PPP2R2B: variants seen among roughly 807,000 people sequenced by gnomAD.
PPP2R2B encodes serine/threonine-protein phosphatase 2A 55 kDa regulatory subunit B beta isoform.
Under a neutral mutation model 46.0 loss-of-function variants are expected in PPP2R2B, and 5 were observed. That is an observed-to-expected ratio of 0.11 (90% confidence interval 0.06 to 0.23). The LOEUF is 0.23. PPP2R2B is among the 10% of genes least tolerant of loss of function. The pLI is 1.00. For missense variants in PPP2R2B, 367 were observed against 575.0 expected, an observed-to-expected ratio of 0.64 and a Z score of 3.70; for synonymous variants, 215 against 206.7, an observed-to-expected ratio of 1.04 and a Z score of -0.34.
At chr5:146,898,762 T>C (rs1391913883) in intron 1 of PPP2R2B, among the ~76,000 whole-genome samples, 1 of 107,000 alleles carries the variant, frequency 9.3e-6, no homozygotes, top group Non-Finnish European at 1.7e-5. Flanking sequence ...TACAATGAAC[T>C]CCAACAAATT....
At chr5:146,624,784 G>A (rs1034131539) in intron 7 of PPP2R2B, among the ~76,000 whole-genome samples, 1 of 152,146 alleles carries the variant, frequency 6.6e-6, no homozygotes, top group Non-Finnish European at 1.5e-5. Flanking sequence ...GTGGTGCAAG[G>A]GGACTGCCCT....
chr5:146,605,254 C>G (rs566188330), intron 7 of PPP2R2B, among the ~76,000 whole-genome samples: 39 of 152,332 alleles, frequency 2.6e-4, no homozygotes, highest in African/African-American at 8.7e-4. Flanking sequence ...GTCCTACTCT[C>G]TCTCATCTGT....
intron 2 of PPP2R2B, among the ~76,000 whole-genome samples, chr5:146,843,497 A>G (rs903143374): frequency 7.2e-5 from 11 of 152,206 alleles, no homozygotes; most frequent in Non-Finnish European, 1.5e-4. Flanking sequence ...CATTGCTAAA[A>G]TAGGGGATTT....
intron 1 of PPP2R2B, among the ~76,000 whole-genome samples, chr5:146,902,207 T>C (rs1245636780): frequency 6.6e-6 from 1 of 152,070 alleles, no homozygotes; most frequent in East Asian, 1.9e-4. Context: ...CCCATTCCTT[T>C]TCCAAATATT....
chr5:146,788,249 T>G (rs1205791125), intron 2 of PPP2R2B, among the ~76,000 whole-genome samples: 1 of 151,986 alleles, frequency 6.6e-6, no homozygotes, highest in African/African-American at 2.4e-5. Flanking sequence ...ATAGCTTGGC[T>G]TCAATCTCCT....
At chr5:146,915,461 C>A (rs1165384607) in intron 1 of PPP2R2B, among the ~76,000 whole-genome samples, 1 of 146,950 alleles carries the variant, frequency 6.8e-6, no homozygotes, top group Non-Finnish European at 1.5e-5. Context: ...CACACACACA[C>A]ACACACACAC....
At chr5:146,794,055 A>G (rs1198348398) in intron 2 of PPP2R2B, among the ~76,000 whole-genome samples, 1 of 152,210 alleles carries the variant, frequency 6.6e-6, no homozygotes, top group East Asian at 1.9e-4. Flanking sequence ...GCTATTATAG[A>G]AAATAGACTT....
upstream of PPP2R2B, among the ~76,000 whole-genome samples, chr5:146,881,187 C>T (rs1049960647): frequency 1.3e-5 from 2 of 152,156 alleles, no homozygotes; most frequent in African/African-American, 4.8e-5. Context: ...GGCATTTCCG[C>T]ATGCTATGTT....
intron 1 of PPP2R2B, among the ~76,000 whole-genome samples, chr5:147,026,712 T>C (rs1044026917): frequency 6.6e-5 from 10 of 152,194 alleles, no homozygotes; most frequent in Admixed American, 5.2e-4. Context: ...GTTCAATATC[T>C]TTAGCCACCA....
At chr5:146,760,003 TTAAA>T (rs1360163776) in intron 2 of PPP2R2B, among the ~76,000 whole-genome samples, 1 of 152,194 alleles carries the variant, frequency 6.6e-6, no homozygotes, top group Non-Finnish European at 1.5e-5. Flanking sequence ...TCTGATAATC[TTAAA>T]TAACTTTTGG....
chr5:146,843,782 A>G (rs1002793991), intron 2 of PPP2R2B, among the ~76,000 whole-genome samples: 3 of 152,058 alleles, frequency 2.0e-5, no homozygotes, highest in African/African-American at 7.2e-5. Context: ...ACATGAACTC[A>G]TCATTTTTTA....
chr5:146,735,961 G>A (rs1022508082), intron 2 of PPP2R2B, among the ~76,000 whole-genome samples: 1 of 152,158 alleles, frequency 6.6e-6, no homozygotes, highest in African/African-American at 2.4e-5. Context: ...GACTGATTTA[G>A]TTTGGCTGTG....
At chr5:146,985,928 CAA>C in intron 1 of PPP2R2B, among the ~76,000 whole-genome samples, 1 of 151,954 alleles carries the variant, frequency 6.6e-6, no homozygotes, top group South Asian at 2.1e-4. Context: ...ACAAACTATA[CAA>C]AAAAGAAATC....
rs1460341966 is a variant in PPP2R2B, at chr5:147,023,052, AT to A, written c.79+32612del. On this transcript the variant is annotated intron_variant, in intron 1 of 8. Coordinates refer to the PPP2R2B transcript ENST00000336640. ...ATAAAAGATAATTTTCTCATTTTTA[AT>A]TTTTTTAAAAAAGAATAACAATGAA... 4.6e-5 allele frequency among the ~76,000 whole-genome samples: 7 copies of A among 152,234 alleles called. No homozygotes were observed. The East Asian group carries it at 1.2e-3, about 25-fold the overall frequency.
At position 146,653,577 on chromosome 5, in the gene PPP2R2B, T is replaced by G. The variant is rs183206485; in HGVS notation, c.448-2853A>C. ...GAAATGGAATCTGCAGGACTTCCTG[T>G]GGCTCCTCCTAAACTCTTCCCCGGG... On this transcript the variant is annotated intron_variant, in intron 5 of 9. Transcript: ENST00000394411. 2.0e-5 allele frequency among the ~76,000 whole-genome samples: 3 copies of G among 152,294 alleles called. No homozygotes were observed. In the East Asian group the frequency reaches 5.8e-4, roughly 29 times the overall value.
intron 2 of PPP2R2B, among the ~76,000 whole-genome samples, chr5:146,853,668 A>G (rs1367247946): frequency 6.7e-6 from 1 of 149,538 alleles, no homozygotes; most frequent in African/African-American, 2.5e-5. Flanking sequence ...AACTGCTATC[A>G]TTTTTTTTTT....
chr5:146,877,677 C>T (rs1160702385), intron 2 of PPP2R2B, among the ~76,000 whole-genome samples: 1 of 152,122 alleles, frequency 6.6e-6, no homozygotes, highest in Non-Finnish European at 1.5e-5. Flanking sequence ...CCCCCCAAGA[C>T]CCCTGCGAAC....
Position 146,698,008 on chromosome 5 carries a change from T to A in PPP2R2B, c.305A>T (p.Asn102Ile). 3 of 1,612,902 alleles carry A rather than the reference T, an allele frequency of 1.9e-6. No individual in the cohort carries two copies. In the South Asian group the frequency reaches 3.3e-5, roughly 18 times the overall value. Reference sequence around the variant, plus strand: ...AGTAGACAGAAGAAAGTAAGCTGCATTCTGCTGGGGGAGCCATCTTATTTT... The same window carrying A: ...AGTAGACAGAAGAAAGTAAGCTGCAATCTGCTGGGGGAGCCATCTTATTTT... ...INKIRWLPQQ[N>I]AAYFLLSTND... is the part of the protein sequence containing the mutation. The change falls in exon 4 of 10, where the codon AAT becomes ATT. Residue 102 changes from asparagine to isoleucine, a missense_variant. Asn to Ile is a moderately radical substitution (Grantham distance 149). Transcript: ENST00000394411.
At chr5:146,598,903 G>T (rs974275715) in intron 8 of PPP2R2B, among the ~76,000 whole-genome samples, 10 of 152,122 alleles carry the variant, frequency 6.6e-5, no homozygotes, top group African/African-American at 2.4e-4. Context: ...AAAATGATCT[G>T]GAATTAGATA....
Sources: allele counts gnomAD v4.1 joint callset (sites outside exome capture counted in the v4.1 genomes callset), GRCh38; gene constraint gnomAD v4.1.1; transcripts MANE v1.5; gene names NCBI Gene and HGNC (gene_info 2026-07-23, HGNC 2026-07-21).